The following PARL variants were observed in gnomAD, a reference collection of about 807,000 sequenced individuals.
PARL encodes presenilin associated rhomboid like.
A neutral mutation model predicts 51.6 loss-of-function variants in PARL; 44 were observed. That is an observed-to-expected ratio of 0.85 (90% CI 0.67 to 1.10). The LOEUF (loss-of-function observed/expected upper bound fraction) is 1.10, where lower values mean the gene tolerates loss of function less well. PARL is among the 50% of genes least tolerant of loss of function. The pLI is 0.00. For missense variants in PARL, 441 were observed against 469.5 expected (o/e 0.94, Z 0.56); for synonymous variants, 172 against 164.0 (o/e 1.05, Z -0.37).
intron 2 of PARL, among the ~76,000 whole-genome samples, 166 bp downstream of exon 2, chr3:183,867,699 C>CA (rs111387397): frequency 0.066 from 6,398 of 96,930 alleles, 137 homozygotes; most frequent in Middle Eastern, 0.082. Context: ...GACTCCGTCT[C>CA]AAAAAAAAAA....
chr3:183,855,208 A>G (rs1009488846), intron 4 of PARL, among the ~76,000 whole-genome samples: 1 of 152,190 alleles, frequency 6.6e-6, no homozygotes, highest in Non-Finnish European at 1.5e-5. Flanking sequence ...TGGGATAATG[A>G]AAAGGCCCTG....
intron 4 of PARL, chr3:183,846,405 A>G (rs1729956524): frequency 2.7e-6 from 1 of 370,080 alleles, no homozygotes; most frequent in Non-Finnish European, 3.7e-6. Context: ...AGGCAGGAGA[A>G]TCACTTGAAC....
At chr3:183,843,756 G>A (rs573207512) in intron 5 of PARL, among the ~76,000 whole-genome samples, 21 of 151,710 alleles carry the variant, frequency 1.4e-4, no homozygotes, top group African/African-American at 4.1e-4. Context: ...GCATGAACCC[G>A]GGAGGCGGAG....
intron 1 of PARL, among the ~76,000 whole-genome samples, chr3:183,869,009 T>G (rs1393776958): frequency 6.6e-6 from 1 of 152,196 alleles, no homozygotes; most frequent in African/African-American, 2.4e-5. Flanking sequence ...TCATGCCTCC[T>G]AGTCCTAGCT....
At chr3:183,851,247 G>A (rs533891381) in intron 4 of PARL, among the ~76,000 whole-genome samples, 8 of 152,174 alleles carry the variant, frequency 5.3e-5, no homozygotes, top group Middle Eastern at 3.4e-3. Flanking sequence ...ATTAGGTCAC[G>A]GTTTCCTTGA....
At chr3:183,828,885 G>A (rs1273308252), downstream of PARL, among the ~76,000 whole-genome samples, 5 of 152,154 alleles carry the variant, frequency 3.3e-5, no homozygotes, top group Non-Finnish European at 7.3e-5. Context: ...AGGGTAACAT[G>A]AATTCCACAA....
intron 3 of PARL, among the ~76,000 whole-genome samples, chr3:183,863,464 A>G (rs1252661338): frequency 2.0e-5 from 3 of 152,168 alleles, no homozygotes; most frequent in Non-Finnish European, 2.9e-5. Flanking sequence ...CTACATTTGT[A>G]TCTGCTTGAA....
At chr3:183,853,666 T>C (rs1309698292) in intron 4 of PARL, among the ~76,000 whole-genome samples, 1 of 152,020 alleles carries the variant, frequency 6.6e-6, no homozygotes, top group African/African-American at 2.4e-5. Context: ...AACGAGCACG[T>C]GAAAAGATGC....
At chr3:183,857,026 T>C (rs2108650312) in intron 4 of PARL, among the ~76,000 whole-genome samples, 1 of 152,344 alleles carries the variant, frequency 6.6e-6, no homozygotes, top group East Asian at 1.9e-4. Flanking sequence ...ATAAAAGATT[T>C]GTTAAATAAT....
chr3:183,831,212 G>A (rs263001), intron 9 of PARL, among the ~76,000 whole-genome samples: 76,873 of 152,002 alleles, frequency 0.51, 19,921 homozygotes, highest in Middle Eastern at 0.6. Context: ...CTGACCTCAA[G>A]TGATCTACTT....
intron 4 of PARL, among the ~76,000 whole-genome samples, chr3:183,858,625 C>T (rs1306893005): frequency 6.6e-6 from 1 of 152,086 alleles, no homozygotes; most frequent in African/African-American, 2.4e-5. Context: ...GAAAACCTGG[C>T]AAGTGCCTCA....
At chr3:183,833,905 T>G in intron 7 of PARL, 80 bp from the exon 8 acceptor site, 1 of 914,502 alleles carries the variant, frequency 1.1e-6, no homozygotes, top group Non-Finnish European at 1.8e-6. Flanking sequence ...GAGCAGCACA[T>G]TTTCTAGAAA....
chr3:183,830,062 A>G (rs1399268750), intron 9 of PARL, among the ~76,000 whole-genome samples: 3 of 152,228 alleles, frequency 2.0e-5, no homozygotes, highest in Non-Finnish European at 4.4e-5. Context: ...TAAGTGGTCA[A>G]TGAAAGCTCA....
At chr3:183,839,224 A>G (rs1386848075) in intron 7 of PARL, among the ~76,000 whole-genome samples, 2 of 152,244 alleles carry the variant, frequency 1.3e-5, no homozygotes, top group African/African-American at 4.8e-5. Context: ...GTTATTTTAC[A>G]TAAGAATTCT....
intron 1 of PARL, among the ~76,000 whole-genome samples, chr3:183,874,648 T>A (rs564255654): frequency 6.6e-6 from 1 of 152,064 alleles, no homozygotes; most frequent in Non-Finnish European, 1.5e-5. Flanking sequence ...CCTCACGTGA[T>A]CCTCCCGCTT....
intron 1 of PARL, among the ~76,000 whole-genome samples, chr3:183,875,472 C>A (rs1733701528): frequency 2.2e-5 from 3 of 137,626 alleles, no homozygotes; most frequent in Admixed American, 2.2e-4. Context: ...TTATTGCCAA[C>A]ATGGAAAAAA....
At chr3:183,848,660 C>G (rs1270461693) in intron 4 of PARL, among the ~76,000 whole-genome samples, 1 of 152,162 alleles carries the variant, frequency 6.6e-6, no homozygotes, top group Non-Finnish European at 1.5e-5. Flanking sequence ...TGATTCCATG[C>G]AAAACCCACT....
intron 7 of PARL, among the ~76,000 whole-genome samples, chr3:183,839,274 A>C (rs923924480): frequency 6.6e-6 from 1 of 152,206 alleles, no homozygotes; most frequent in Non-Finnish European, 1.5e-5. Context: ...TAAATAGGAA[A>C]TTCCCTATTT....
intron 4 of PARL, among the ~76,000 whole-genome samples, chr3:183,851,330 A>T (rs79974180): frequency 2.0e-5 from 3 of 152,202 alleles, no homozygotes; most frequent in Non-Finnish European, 4.4e-5. Flanking sequence ...TAGAATGTTT[A>T]TGCTTCAGAA....
Sources: allele counts gnomAD v4.1 joint callset (sites outside exome capture counted in the v4.1 genomes callset), GRCh38; gene constraint gnomAD v4.1.1; transcripts MANE v1.5; gene names NCBI Gene and HGNC (gene_info 2026-07-23, HGNC 2026-07-21).